LEPR: variants seen among roughly 807,000 people sequenced by gnomAD.
LEPR encodes OB receptor.
Under a neutral mutation model 114.7 loss-of-function variants are expected in LEPR, and 56 were observed. That is an observed-to-expected ratio of 0.49 (90% CI 0.39 to 0.61). LEPR has a LOEUF of 0.61. Among genes scored for constraint, LEPR ranks in the 20% least tolerant of loss-of-function variants. The pLI, the probability that LEPR is intolerant of heterozygous loss-of-function variation, is 0.00. For missense variants in LEPR, 1,202 were observed against 1,352.9 expected, an observed-to-expected ratio of 0.89 and a Z score of 1.75; for synonymous variants, 443 against 461.4, an observed-to-expected ratio of 0.96 and a Z score of 0.51.
chr1:65,442,435 T>G (rs1018738175), intron 2 of LEPR, among the ~76,000 whole-genome samples: 1 of 152,216 alleles, frequency 6.6e-6, no homozygotes, highest in Non-Finnish European at 1.5e-5. Context: ...ATATCCCACA[T>G]GTATTGATTA....
At chr1:65,581,510 T>C (rs1478269780) in intron 5 of LEPR, among the ~76,000 whole-genome samples, 2 of 152,082 alleles carry the variant, frequency 1.3e-5, no homozygotes, top group South Asian at 4.2e-4. Flanking sequence ...TTAGCACTAT[T>C]TCTGCTAATA....
chr1:65,539,067 T>C (rs1289486043), intron 2 of LEPR, among the ~76,000 whole-genome samples: 1 of 150,932 alleles, frequency 6.6e-6, no homozygotes, highest in Non-Finnish European at 1.5e-5. Flanking sequence ...TTCCTGGTTT[T>C]TTTTTTTTGC....
chr1:65,453,473 T>A (rs1646818639), intron 2 of LEPR, among the ~76,000 whole-genome samples: 1 of 152,070 alleles, frequency 6.6e-6, no homozygotes, highest in South Asian at 2.1e-4. Context: ...GATTCTGGTA[T>A]GTTGTGTCTT....
rs2101046937 is a variant in LEPR at position 65,636,320 on chromosome 1, A to G, written c.2803A>G (p.Met935Val). The G allele has an allele frequency of 2.5e-6, 4 of 1,614,074 alleles. No individual in the cohort carries two copies. The highest frequency in any genetic ancestry group is 3.4e-6 in the Non-Finnish European group (4 of 1,179,964). ...ATCATGGAAAAATAAAGATGAGATGATGCCAACAACTGTGGTCTCTCTACT... is the reference window on the plus strand; with the variant it reads ...ATCATGGAAAAATAAAGATGAGATGGTGCCAACAACTGTGGTCTCTCTACT... The part of the protein sequence containing the change: ...DTSWKNKDEM[M>V]PTTVVSLLST... Residue 935 changes from methionine to valine, a missense_variant, in exon 20 of 20, where the codon ATG becomes GTG. Physicochemically the swap from Met to Val is conservative, Grantham distance 21. Transcript: ENST00000349533.
chr1:65,493,649 CTT>C (rs1376892362), intron 2 of LEPR, among the ~76,000 whole-genome samples: 9 of 152,052 alleles, frequency 5.9e-5, no homozygotes, highest in Non-Finnish European at 1.0e-4. Context: ...ATCTGCAGAA[CTT>C]TTTTCATCTT....
rs368813743 is a variant in LEPR at position 65,510,255 on chromosome 1, C to A, written c.-20-55291C>A. Among the ~76,000 whole-genome samples, 126 of 152,266 alleles carry A rather than the reference C, an allele frequency of 8.3e-4. 3 individuals are homozygous for A. In the South Asian group the frequency reaches 0.026, roughly 31 times the overall value. On this transcript the variant is annotated intron_variant, in intron 2 of 19. Coordinates refer to ENST00000349533, the MANE Select transcript of LEPR (RefSeq NM_002303.6). ...TTTCTGATTCCATGAAATAAAAATTCTCCTTTTTGGCTAAGCTATTATTTT... is the reference window on the plus strand; with the variant it reads ...TTTCTGATTCCATGAAATAAAAATTATCCTTTTTGGCTAAGCTATTATTTT...
At chr1:65,568,439 C>T (rs577732651) in intron 3 of LEPR, among the ~76,000 whole-genome samples, 8 of 152,036 alleles carry the variant, frequency 5.3e-5, no homozygotes, top group East Asian at 3.9e-4. Flanking sequence ...GCTCCATCCA[C>T]GTTGTTGCAA....
chr1:65,426,740 T>C (rs865988450), intron 2 of LEPR, among the ~76,000 whole-genome samples: 16 of 152,294 alleles, frequency 1.1e-4, no homozygotes, highest in African/African-American at 3.6e-4. Flanking sequence ...GGCTCACGCC[T>C]GTAATCCCAG....
intron 2 of LEPR, among the ~76,000 whole-genome samples, chr1:65,448,533 T>C (rs1407200321): frequency 6.6e-6 from 1 of 152,226 alleles, no homozygotes; most frequent in African/African-American, 2.4e-5. Context: ...GCTGGCCTCA[T>C]AGAATGAGTG....
chr1:65,569,578 G>T (rs1253782002), intron 3 of LEPR, among the ~76,000 whole-genome samples: 3 of 151,744 alleles, frequency 2.0e-5, no homozygotes, highest in African/African-American at 7.3e-5. Context: ...GTGGTGGGAG[G>T]TGCCTGTAAT....
At chr1:65,544,633 C>T (rs774445562) in intron 2 of LEPR, among the ~76,000 whole-genome samples, 1 of 150,864 alleles carries the variant, frequency 6.6e-6, no homozygotes, top group Non-Finnish European at 1.5e-5. Flanking sequence ...GTTTATTGAG[C>T]GTTTTTAGCA....
intron 18 of LEPR, 108 bp downstream of exon 18, chr1:65,621,566 T>G (rs1247444313): frequency 1.2e-5 from 11 of 902,852 alleles, no homozygotes; most frequent in Non-Finnish European, 1.9e-5. Context: ...TAAGTGCTTT[T>G]ATATGTAGTC....
intron 2 of LEPR, among the ~76,000 whole-genome samples, chr1:65,448,006 CTTTCA>C (rs1408696715): frequency 2.0e-5 from 3 of 152,096 alleles, no homozygotes; most frequent in African/African-American, 7.2e-5. Context: ...ATCCATGTAC[CTTTCA>C]TTTCATGTTC....
chr1:65,634,300 G>A (rs1658634684), intron 19 of LEPR: 1 of 983,056 alleles, frequency 1.0e-6, no homozygotes, highest in Non-Finnish European at 1.2e-6. Context: ...TACAAAAACG[G>A]GAAGAATGTG....
chr1:65,623,355 AT>A (rs1330641180), intron 19 of LEPR: 1 of 158,760 alleles, frequency 6.3e-6, no homozygotes, highest in Non-Finnish European at 1.4e-5. Flanking sequence ...TTTAATGTCT[AT>A]AATTATCTCC....
At chr1:65,489,449 A>G (rs1647751683) in intron 2 of LEPR, among the ~76,000 whole-genome samples, 1 of 152,060 alleles carries the variant, frequency 6.6e-6, no homozygotes, top group Non-Finnish European at 1.5e-5. Flanking sequence ...TGTTTTGCCC[A>G]TTTGTAAATT....
In LEPR at chr1:65,574,911, C is replaced by T. The variant is rs145658904; in HGVS notation, c.494+2462C>T. 8.9e-3 allele frequency among the ~76,000 whole-genome samples: 1,347 copies of T among 152,070 alleles called. 26 individuals carry two copies. The highest frequency in any genetic ancestry group is 0.031 in the African/African-American group (1,270 of 41,466). ...TTTAGGCAGAGCTCATTCGGGGGAG[C>T]GGAAGGAGAGGTTGCCAGAACAAAG... On this transcript the variant is annotated intron_variant, in intron 5 of 19. Transcript: ENST00000349533.
chr1:65,566,632 T>A (rs1398953793), intron 3 of LEPR, among the ~76,000 whole-genome samples: 5 of 152,196 alleles, frequency 3.3e-5, no homozygotes, highest in African/African-American at 1.2e-4. Context: ...AAAGTTAGAG[T>A]ATCTTTAACA....
At chr1:65,622,798 G>T (rs181659106) in intron 18 of LEPR, 108 bp from the exon 19 acceptor site, 63 of 1,115,916 alleles carry the variant, frequency 5.6e-5, no homozygotes, top group Non-Finnish European at 7.7e-5. Flanking sequence ...CCCTACGGAG[G>T]CATAGTTGAT....
Sources: gnomAD v4.1 joint callset for allele counts (sites outside exome capture counted in the v4.1 genomes callset) on GRCh38, gnomAD v4.1.1 for gene constraint, MANE v1.5 for transcripts, NCBI Gene and HGNC (gene_info 2026-07-23, HGNC 2026-07-21) for gene names.